Variants in SNX10 observed in about 807,000 individuals in gnomAD.
The protein encoded by SNX10 is sorting nexin-10.
Under a neutral mutation model 28.5 loss-of-function variants are expected in SNX10, and 25 were observed. The observed-to-expected ratio is 0.88, with a 90% CI of 0.64 to 1.22. The LOEUF is 1.22. Among genes scored for constraint, SNX10 ranks in the 50% most tolerant of loss-of-function variants. The pLI, the probability that SNX10 is intolerant of heterozygous loss-of-function variation, is 0.00. For synonymous variants in SNX10, 62 were observed against 81.4 expected (o/e 0.76, Z 1.28); for missense variants, 223 against 242.6 (o/e 0.92, Z 0.54).
At chr7:26,323,697 G>A (rs1787393537) in intron 1 of SNX10, among the ~76,000 whole-genome samples, 1 of 152,232 alleles carries the variant, frequency 6.6e-6, no homozygotes. Flanking sequence ...AGATCACTCT[G>A]AGCGCATGGA....
intron 1 of SNX10, among the ~76,000 whole-genome samples, chr7:26,330,911 A>C (rs749619827): frequency 2.0e-5 from 3 of 152,190 alleles, no homozygotes; most frequent in Non-Finnish European, 2.9e-5. Flanking sequence ...ATACTTTGGT[A>C]GGTCAAGACA....
intron 1 of SNX10, among the ~76,000 whole-genome samples, chr7:26,336,878 A>T (rs1288399752): frequency 6.6e-6 from 1 of 152,156 alleles, no homozygotes; most frequent in Non-Finnish European, 1.5e-5. Context: ...ATTGTTTCTT[A>T]AAAACACTGC....
chr7:26,336,530 C>A (rs1212343276), intron 1 of SNX10, among the ~76,000 whole-genome samples: 1 of 152,066 alleles, frequency 6.6e-6, no homozygotes, highest in Admixed American at 6.6e-5. Context: ...ATGGTGAAAC[C>A]CCGTCTCTAC....
chr7:26,359,141 CAATG>C (rs1259632580), intron 2 of SNX10, among the ~76,000 whole-genome samples: 3 of 152,000 alleles, frequency 2.0e-5, no homozygotes, highest in African/African-American at 7.3e-5. Context: ...TAAAAATACA[CAATG>C]AAAATATTTT....
intron 2 of SNX10, chr7:26,360,645 G>T: frequency 3.8e-6 from 1 of 261,126 alleles, no homozygotes; most frequent in Non-Finnish European, 6.9e-6. Flanking sequence ...TTTTAAATTT[G>T]AAAAAAACCT....
chr7:26,323,315 A>C (rs1467668013), intron 1 of SNX10, among the ~76,000 whole-genome samples: 1 of 151,344 alleles, frequency 6.6e-6, no homozygotes, highest in Non-Finnish European at 1.5e-5. Context: ...AACTTAGGGG[A>C]AAAACGAGTT....
chr7:26,360,153 C>A (rs1029519969), intron 2 of SNX10, among the ~76,000 whole-genome samples: 3 of 152,206 alleles, frequency 2.0e-5, no homozygotes, highest in African/African-American at 7.2e-5. Flanking sequence ...GTTCCTCTTT[C>A]TATTAATAAG....
At chr7:26,345,629 G>A (rs73285230) in intron 1 of SNX10, among the ~76,000 whole-genome samples, 8,994 of 152,234 alleles carry the variant, frequency 0.059, 510 homozygotes, top group East Asian at 0.26. Context: ...ATACGTGTGG[G>A]GGATAATAGG....
rs1787457774 is a variant in SNX10 at position 26,325,306 on chromosome 7, A to ATATATATAT, written c.-23-21114_-23-21113insTATATATAT. Among the ~76,000 whole-genome samples the ATATATATAT allele has an allele frequency of 2.5e-4, 13 of 51,330 alleles. 1 individual carries two copies. Among genetic ancestry groups the ATATATATAT allele is most frequent in the Non-Finnish European group, 3.9e-4 (7 of 17,954 alleles). The allele number at this position is 51,330 out of a possible 152,430, so 33.7% of individuals were successfully genotyped here. A position where few individuals can be genotyped will look rare whatever the true frequency, so the allele number is the denominator to read the frequency against. Reference sequence around the variant, plus strand: ...AATTTTTTTCTACTGAAGTTTGCAAAATATATATATATATATATATATTTG... The same window carrying ATATATATAT: ...AATTTTTTTCTACTGAAGTTTGCAAATATATATATATATATATATATATATATATATTTG... On this transcript the variant is annotated intron_variant, in intron 1 of 6. Transcript: ENST00000338523.
chr7:26,297,908 A>C (rs1786175158), intron 1 of SNX10, among the ~76,000 whole-genome samples: 1 of 152,168 alleles, frequency 6.6e-6, no homozygotes, highest in Non-Finnish European at 1.5e-5. Context: ...GTAAGGAAGA[A>C]TATATTAATA....
intron 1 of SNX10, 145 bp from the exon 2 acceptor site, chr7:26,346,275 A>C: frequency 1.5e-6 from 1 of 663,106 alleles, no homozygotes; most frequent in Non-Finnish European, 2.7e-6. Flanking sequence ...AGGAGAGGGC[A>C]GCGTGGGAGG....
chr7:26,304,994 G>C lies in SNX10; in HGVS notation c.-24+12908G>C, dbSNP rs541928765. ...TTCTGCGAATTCCCTGGAGGAGGGG[G>C]TGGATGGGGGAGGCCTCATGTGCTT... is the stretch of plus-strand genomic sequence containing the variant. On this transcript the variant is annotated intron_variant, in intron 1 of 6. Transcript: ENST00000338523. Among the ~76,000 whole-genome samples the C allele has an allele frequency of 2.0e-5, 3 of 152,302 alleles. 1 individual carries two copies. In the South Asian group the frequency reaches 6.2e-4, roughly 32 times the overall value.
At chr7:26,320,577 C>T (rs1031958055) in intron 1 of SNX10, among the ~76,000 whole-genome samples, 9 of 152,078 alleles carry the variant, frequency 5.9e-5, no homozygotes, top group East Asian at 1.9e-4. Context: ...GGACTACAGG[C>T]GCCCGCCACC....
At chr7:26,367,563 G>T (rs1789345251) in intron 5 of SNX10, among the ~76,000 whole-genome samples, 1 of 152,200 alleles carries the variant, frequency 6.6e-6, no homozygotes, top group African/African-American at 2.4e-5. Flanking sequence ...CCTGAACTGA[G>T]CTCTGCGGCC....
intron 1 of SNX10, among the ~76,000 whole-genome samples, chr7:26,295,770 G>A (rs1281195234): frequency 6.6e-6 from 1 of 152,242 alleles, no homozygotes; most frequent in Non-Finnish European, 1.5e-5. Flanking sequence ...CGTTTGGCAT[G>A]TGATCCTGTT....
intron 2 of SNX10, among the ~76,000 whole-genome samples, chr7:26,349,559 G>A (rs900354603): frequency 2.0e-5 from 3 of 152,096 alleles, no homozygotes; most frequent in Admixed American, 6.6e-5. Context: ...TTGGCATTGG[G>A]CCATTGTGAA....
chr7:26,312,191 G>GA (rs1333669097), intron 1 of SNX10, among the ~76,000 whole-genome samples: 2 of 152,156 alleles, frequency 1.3e-5, no homozygotes, highest in African/African-American at 4.8e-5. Context: ...CTGGTCTCTA[G>GA]AAAAATCTAA....
At chr7:26,370,456 T>C (rs1789475126) in intron 5 of SNX10, 1 of 152,216 alleles carries the variant, frequency 6.6e-6, no homozygotes, top group South Asian at 2.1e-4. Flanking sequence ...TTTTGCCTTT[T>C]AAAAAGCACA....
chr7:26,320,172 C>T (rs1002196678), intron 1 of SNX10, among the ~76,000 whole-genome samples: 7 of 151,636 alleles, frequency 4.6e-5, no homozygotes, highest in East Asian at 3.9e-4. Context: ...AGTAGAGACA[C>T]GGTTTCACCT....
Sources: allele counts gnomAD v4.1 joint callset (sites outside exome capture counted in the v4.1 genomes callset), GRCh38; gene constraint gnomAD v4.1.1; transcripts MANE v1.5; gene names NCBI Gene and HGNC (gene_info 2026-07-23, HGNC 2026-07-21).